The following MDGA2 variants were observed in gnomAD, a reference collection of about 807,000 sequenced individuals.
MDGA2 encodes MAM domain-containing glycosylphosphatidylinositol anchor protein 2.
Under a neutral mutation model 117.8 loss-of-function variants are expected in MDGA2, and 40 were observed. The observed-to-expected ratio is 0.34, with a 90% CI of 0.26 to 0.44. MDGA2 has a LOEUF of 0.44. Among genes scored for constraint, MDGA2 ranks in the 20% least tolerant of loss-of-function variants. MDGA2 has a pLI of 1.00. For synonymous variants in MDGA2, 452 were observed against 439.0 expected, an observed-to-expected ratio of 1.03 and a Z score of -0.37; for missense variants, 1,123 against 1,250.6, an observed-to-expected ratio of 0.90 and a Z score of 1.54.
At chr14:47,492,903 A>G (rs1243756406) in intron 1 of MDGA2, among the ~76,000 whole-genome samples, 1 of 152,150 alleles carries the variant, frequency 6.6e-6, no homozygotes, top group East Asian at 1.9e-4. Context: ...TCTTAAAAGT[A>G]TCAAGCCAAA....
At chr14:47,612,229 T>C (rs894415269) in intron 1 of MDGA2, among the ~76,000 whole-genome samples, 9 of 151,810 alleles carry the variant, frequency 5.9e-5, no homozygotes, top group African/African-American at 1.9e-4. Flanking sequence ...GATAGATAGA[T>C]AGATAGATAG....
intron 2 of MDGA2, among the ~76,000 whole-genome samples, chr14:47,247,458 C>T (rs1887281584): frequency 6.6e-6 from 1 of 151,150 alleles, no homozygotes. Flanking sequence ...GCACCTGCCA[C>T]CATGCCCGCT....
At chr14:47,639,162 A>ATG (rs1897376447) in intron 1 of MDGA2, among the ~76,000 whole-genome samples, 2 of 152,202 alleles carry the variant, frequency 1.3e-5, no homozygotes, top group African/African-American at 4.8e-5. Context: ...ACTTATCACC[A>ATG]CCTGATATGC....
At chr14:47,644,583 T>G (rs1897489912) in intron 1 of MDGA2, among the ~76,000 whole-genome samples, 1 of 151,952 alleles carries the variant, frequency 6.6e-6, no homozygotes, top group South Asian at 2.1e-4. Flanking sequence ...GGGAAGAGAT[T>G]GATCCATGGG....
intron 1 of MDGA2, among the ~76,000 whole-genome samples, chr14:47,561,149 T>TTTTTG (rs1895795503): frequency 9.8e-6 from 1 of 101,524 alleles, no homozygotes; most frequent in African/African-American, 3.5e-5. Context: ...TTGTTTTTTT[T>TTTTTG]TTTGTTTTGT....
At chr14:46,916,309 C>G (rs1461681797) in intron 10 of MDGA2, among the ~76,000 whole-genome samples, 1 of 152,076 alleles carries the variant, frequency 6.6e-6, no homozygotes, top group East Asian at 1.9e-4. Context: ...CCATGAGAAA[C>G]GTACAGAGAC....
At chr14:47,148,355 A>G (rs1345002599) in intron 3 of MDGA2, among the ~76,000 whole-genome samples, 1 of 152,296 alleles carries the variant, frequency 6.6e-6, no homozygotes, top group African/African-American at 2.4e-5. Context: ...CTGGTATTCT[A>G]TAAGGAGAAA....
intron 1 of MDGA2, among the ~76,000 whole-genome samples, chr14:47,626,919 C>G (rs1217710125): frequency 6.6e-6 from 1 of 152,258 alleles, no homozygotes; most frequent in Non-Finnish European, 1.5e-5. Context: ...GCAGGCAGCT[C>G]CACCTGCACC....
intron 1 of MDGA2, among the ~76,000 whole-genome samples, chr14:47,320,086 A>G (rs1889934624): frequency 6.6e-6 from 1 of 152,184 alleles, no homozygotes; most frequent in African/African-American, 2.4e-5. Context: ...TCTTCCTTAC[A>G]GCCCTCAGAA....
intron 1 of MDGA2, among the ~76,000 whole-genome samples, chr14:47,451,754 T>C (rs1223315264): frequency 6.6e-6 from 1 of 152,094 alleles, no homozygotes; most frequent in Non-Finnish European, 1.5e-5. Context: ...GATTTTTTTA[T>C]CCTCCTCTAT....
At chr14:47,437,334 A>G (rs945640200) in intron 1 of MDGA2, among the ~76,000 whole-genome samples, 1 of 152,156 alleles carries the variant, frequency 6.6e-6, no homozygotes, top group African/African-American at 2.4e-5. Context: ...GTTTAATTAA[A>G]TGTGATAATG....
chr14:47,669,143 C>A (rs1898029878), intron 1 of MDGA2, among the ~76,000 whole-genome samples: 1 of 152,170 alleles, frequency 6.6e-6, no homozygotes, highest in Non-Finnish European at 1.5e-5. Context: ...CAGAGCACAT[C>A]CTTGCAGAAA....
chr14:47,398,797 T>C (rs6572419), intron 1 of MDGA2, among the ~76,000 whole-genome samples: 109,858 of 152,046 alleles, frequency 0.72, 39,980 homozygotes, highest in Middle Eastern at 0.82. Context: ...ATTCATATCA[T>C]CTTTTCTTGA....
chr14:47,234,909 A>G (rs562822594), intron 2 of MDGA2, among the ~76,000 whole-genome samples: 1 of 152,316 alleles, frequency 6.6e-6, no homozygotes, highest in Admixed American at 6.5e-5. Context: ...TATATTTACA[A>G]AGCTGGCTTG....
intron 9 of MDGA2, among the ~76,000 whole-genome samples, chr14:46,934,968 T>C (rs1476398498): frequency 6.6e-6 from 1 of 151,964 alleles, no homozygotes; most frequent in Non-Finnish European, 1.5e-5. Flanking sequence ...TTGTACATAA[T>C]ACTCTCCAAA....
At chr14:47,496,114 G>C (rs1162833561) in intron 1 of MDGA2, among the ~76,000 whole-genome samples, 2 of 151,754 alleles carry the variant, frequency 1.3e-5, no homozygotes, top group Non-Finnish European at 2.9e-5. Flanking sequence ...TTATTTGCTT[G>C]TCATATTTTT....
chr14:47,178,345 C>T (rs774456040), intron 3 of MDGA2, among the ~76,000 whole-genome samples: 3 of 152,094 alleles, frequency 2.0e-5, no homozygotes, highest in Non-Finnish European at 2.9e-5. Context: ...CGGTCGAGGG[C>T]CACAAGGCTG....
intron 10 of MDGA2, among the ~76,000 whole-genome samples, chr14:46,903,917 A>G (rs976770679): frequency 3.3e-5 from 5 of 152,212 alleles, no homozygotes; most frequent in Non-Finnish European, 7.3e-5. Flanking sequence ...ATGTTCATCA[A>G]ATTTGAATTG....
intron 1 of MDGA2, among the ~76,000 whole-genome samples, chr14:47,646,901 ATTAAT>A (rs2138259962): frequency 6.6e-6 from 1 of 152,162 alleles, no homozygotes; most frequent in Non-Finnish European, 1.5e-5. Flanking sequence ...GCTTTGTGTG[ATTAAT>A]ATCTCTGCTT....
Sources: gnomAD v4.1 joint callset for allele counts (sites outside exome capture counted in the v4.1 genomes callset) on GRCh38, gnomAD v4.1.1 for gene constraint, MANE v1.5 for transcripts, NCBI Gene and HGNC (gene_info 2026-07-23, HGNC 2026-07-21) for gene names.